The following CCDC171 variants were observed in gnomAD, a reference collection of about 807,000 sequenced individuals.
CCDC171 encodes coiled-coil domain-containing protein 171.
A neutral mutation model predicts 168.2 loss-of-function variants in CCDC171; 177 were observed. The observed-to-expected ratio is 1.05, with a 90% CI of 0.93 to 1.19. CCDC171 has a LOEUF of 1.19. Among genes scored for constraint, CCDC171 ranks in the 50% most tolerant of loss-of-function variants. CCDC171 has a pLI of 0.00. For missense variants in CCDC171, 1,991 were observed against 1,539.0 expected (o/e 1.29, Z -4.91); for synonymous variants, 687 against 540.8 (o/e 1.27, Z -3.75).
chr9:15,580,833 G>T (rs985751863), intron 4 of CCDC171, among the ~76,000 whole-genome samples: 3 of 152,134 alleles, frequency 2.0e-5, no homozygotes, highest in African/African-American at 7.2e-5. Flanking sequence ...ATTCCTTAAA[G>T]AACTAAAACT....
chr9:15,799,594 C>T (rs2058723250), intron 21 of CCDC171, among the ~76,000 whole-genome samples: 1 of 152,022 alleles, frequency 6.6e-6, no homozygotes, highest in Non-Finnish European at 1.5e-5. Flanking sequence ...TCCCCTGCAA[C>T]CGTTTATCCT....
chr9:16,039,201 G>T (rs1004722100), upstream of CCDC171, among the ~76,000 whole-genome samples: 2 of 152,254 alleles, frequency 1.3e-5, no homozygotes, highest in Non-Finnish European at 2.9e-5. Flanking sequence ...CAAATTTTCC[G>T]TAGTAAACTC....
intron 8 of CCDC171, among the ~76,000 whole-genome samples, chr9:15,664,239 A>T (rs776067964): frequency 5.9e-5 from 9 of 151,968 alleles, no homozygotes; most frequent in Non-Finnish European, 1.2e-4. Flanking sequence ...ACAAAACTAC[A>T]CTTTTACACC....
intron 25 of CCDC171, among the ~76,000 whole-genome samples, chr9:15,930,786 TA>T (rs1247576984): frequency 5.3e-5 from 8 of 151,892 alleles, no homozygotes; most frequent in South Asian, 4.1e-4. Context: ...GACCTATTTA[TA>T]AGAGCTAAAA....
downstream of CCDC171, among the ~76,000 whole-genome samples, chr9:16,064,006 T>C (rs1486861857): frequency 6.6e-6 from 1 of 152,226 alleles, no homozygotes; most frequent in East Asian, 1.9e-4. Context: ...TCCTCCCGAC[T>C]ATTCCAGAAA....
the CCDC171 span, among the ~76,000 whole-genome samples, chr9:16,077,565 C>G: frequency 6.6e-6 from 1 of 152,164 alleles, no homozygotes; most frequent in Non-Finnish European, 1.5e-5. Context: ...ACACCTGATC[C>G]AAGTGCTCAT....
chr9:15,758,006 T>C (rs922363229), intron 18 of CCDC171, among the ~76,000 whole-genome samples: 1 of 152,114 alleles, frequency 6.6e-6, no homozygotes, highest in African/African-American at 2.4e-5. Context: ...GAACCTCTGC[T>C]AGGGTGGTGT....
chr9:15,634,543 C>T (rs969670864), intron 7 of CCDC171, among the ~76,000 whole-genome samples: 2 of 152,104 alleles, frequency 1.3e-5, no homozygotes, highest in East Asian at 1.9e-4. Flanking sequence ...AGATAATAAA[C>T]CTTTGTGTGA....
Position 15,897,894 on chromosome 9 carries a change from T to G in CCDC171, c.3601-22376T>G, listed in dbSNP as rs1821115530. On this transcript the variant is annotated intron_variant, in intron 24 of 25. Transcript: ENST00000380701. The stretch of plus-strand genomic sequence containing the variant: ...ATTGAGTGAACATGGGCTTTGGAAT[T>G]GGACAGGCATGGATTTGAATCCCAA... Among the ~76,000 whole-genome samples the G allele has an allele frequency of 3.3e-5, 5 of 152,312 alleles. No individual in the cohort carries two copies. In the South Asian group the frequency reaches 1.0e-3, roughly 32 times the overall value.
rs772502704 is a variant in CCDC171 at position 15,744,326 on chromosome 9, G to A, written c.2103G>A (p.Lys701=). 1 of 1,611,584 alleles carries A rather than the reference G, an allele frequency of 6.2e-7. No homozygotes were observed. Among genetic ancestry groups the A allele is most frequent in the East Asian group, 2.2e-5 (1 of 44,860 alleles). ...KNMEKLNHIE[K]SHEQLVLENS... ...TGGAAAAATTGAACCATATTGAGAA[G>A]TCACATGAACAGTTGGTTCTTGAAA... Residue 701 remains lysine, a synonymous_variant, in exon 17 of 26, where the codon AAG becomes AAA. Coordinates refer to ENST00000380701, the MANE Select transcript of CCDC171 (RefSeq NM_173550.4).
intron 4 of CCDC171, chr9:15,588,451 C>A: frequency 3.6e-6 from 1 of 281,078 alleles, no homozygotes; most frequent in Admixed American, 4.7e-5. Flanking sequence ...TCCTTCAAAG[C>A]CAGAGCGCAA....
rs75259523 is a variant in CCDC171, at chr9:15,744,609, G to A, written c.2386G>A (p.Gly796Arg). Reference sequence around the variant, plus strand: ...CAAGATGAAAAAGAAAACATTCAAAGGATTGATACGTATATTTCGGAAAGG... The same window carrying A: ...CAAGATGAAAAAGAAAACATTCAAAAGATTGATACGTATATTTCGGAAAGG... ...EAKMKKKTFK[G>R]LIRIFRKGVI... The change falls in exon 17 of 26, where the codon GGA (glycine) becomes AGA (arginine). Residue 796 changes from glycine to arginine, a missense_variant. Gly to Arg is a moderately radical substitution (Grantham distance 125). Coordinates refer to ENST00000380701, the MANE Select transcript of CCDC171 (RefSeq NM_173550.4). 6.9e-4 allele frequency: 1,113 copies of A among 1,614,116 alleles called. 17 individuals are homozygous for A. The East Asian group carries it at 0.023, about 34-fold the overall frequency.
At chr9:15,930,227 C>T (rs866496999) in intron 25 of CCDC171, among the ~76,000 whole-genome samples, 3 of 151,528 alleles carry the variant, frequency 2.0e-5, no homozygotes, top group African/African-American at 2.4e-5. Context: ...ACCATGATTC[C>T]CTCCGAATTT....
At chr9:15,568,686 G>T (rs894304717) in intron 2 of CCDC171, among the ~76,000 whole-genome samples, 3 of 152,102 alleles carry the variant, frequency 2.0e-5, no homozygotes, top group Non-Finnish European at 4.4e-5. Flanking sequence ...TCATATGCTT[G>T]TTGGCTGCAT....
intron 3 of CCDC171, among the ~76,000 whole-genome samples, chr9:16,020,085 A>C (rs527556038): frequency 1.3e-5 from 2 of 152,352 alleles, no homozygotes; most frequent in South Asian, 4.1e-4. Flanking sequence ...CTTAATCTGC[A>C]AATTTAAAAT....
In CCDC171 at chr9:15,999,657, C is replaced by T. The variant is rs147197700; in HGVS notation, n.369-20932C>T. On this transcript the variant is annotated intron_variant and non_coding_transcript_variant, in intron 3 of 9. Coordinates refer to the CCDC171 transcript ENST00000486641. ...TCCAAGGACAAGGCTATAGAGACTC[C>T]CTCTGTGAGGCTCCTCCAGCCCCTC... 1.7e-3 allele frequency among the ~76,000 whole-genome samples: 254 copies of T among 152,266 alleles called. 2 individuals are homozygous for T. Among genetic ancestry groups the T allele is most frequent in the African/African-American group, 5.7e-3 (236 of 41,562 alleles).
At chr9:15,932,188 G>T (rs893146046) in intron 25 of CCDC171, among the ~76,000 whole-genome samples, 1 of 151,770 alleles carries the variant, frequency 6.6e-6, no homozygotes, top group Non-Finnish European at 1.5e-5. Flanking sequence ...TACATCTATA[G>T]ATCACTTTGG....
intron 1 of CCDC171, among the ~76,000 whole-genome samples, chr9:15,554,802 G>A (rs2038655646): frequency 6.6e-6 from 1 of 152,138 alleles, no homozygotes; most frequent in Admixed American, 6.5e-5. Flanking sequence ...TCATTTTCCG[G>A]CTGAATATTT....
At chr9:15,703,155 C>G (rs2051905916) in intron 11 of CCDC171, among the ~76,000 whole-genome samples, 1 of 152,218 alleles carries the variant, frequency 6.6e-6, no homozygotes, top group African/African-American at 2.4e-5. Flanking sequence ...GTCTGCCCGC[C>G]TTGGCCTCCC....
Sources: allele counts gnomAD v4.1 joint callset (sites outside exome capture counted in the v4.1 genomes callset), GRCh38; gene constraint gnomAD v4.1.1; transcripts MANE v1.5; gene names NCBI Gene and HGNC (gene_info 2026-07-23, HGNC 2026-07-21).